The following ITPA variants were observed in gnomAD, a reference collection of about 807,000 sequenced individuals.
ITPA encodes inosine triphosphate pyrophosphatase.
Under a neutral mutation model 29.6 loss-of-function variants are expected in ITPA, and 29 were observed. The ratio of observed to expected loss-of-function variants is 0.98; its 90% CI spans 0.73 to 1.34. The LOEUF is 1.34. Ranked by LOEUF, ITPA falls within the 40% of genes most tolerant of loss-of-function variation. ITPA has a pLI of 0.00. For missense variants in ITPA, 241 were observed against 251.5 expected (o/e 0.96, Z 0.28); for synonymous variants, 103 against 99.3 (o/e 1.04, Z -0.22).
At chr20:3,204,087 G>A (rs898261592), upstream of ITPA, among the ~76,000 whole-genome samples, 4 of 152,156 alleles carry the variant, frequency 2.6e-5, no homozygotes, top group African/African-American at 9.6e-5. Context: ...GAATTTCCTG[G>A]AGCCGCCTCG....
chr20:3,218,839 G>A (rs2067384124), intron 6 of ITPA: 2 of 630,834 alleles, frequency 3.2e-6, no homozygotes, highest in Admixed American at 2.2e-5. Context: ...CCTGGGGCCA[G>A]AGTAGTTGCC....
chr20:3,225,725 A>C (rs2067547347), downstream of ITPA, among the ~76,000 whole-genome samples: 1 of 152,128 alleles, frequency 6.6e-6, no homozygotes, highest in Non-Finnish European at 1.5e-5. Context: ...AACCCTTAAA[A>C]AATAAAAAAA....
chr20:3,220,413 G>A (rs1196307791), intron 6 of ITPA, among the ~76,000 whole-genome samples: 1 of 151,854 alleles, frequency 6.6e-6, no homozygotes, highest in East Asian at 1.9e-4. Context: ...CATTTGTTGC[G>A]TGGTTGAGGT....
intron 5 of ITPA, among the ~76,000 whole-genome samples, chr20:3,216,202 C>T (rs902437147): frequency 1.3e-5 from 2 of 149,206 alleles, no homozygotes; most frequent in African/African-American, 5.1e-5. Context: ...CTCTGTCGCC[C>T]AGGCTGGAGT....
chr20:3,218,503 C>G lies in ITPA; in HGVS notation c.296-14C>G. On this transcript the variant is annotated splice_polypyrimidine_tract_variant and intron_variant, in intron 5 of 7. Transcript: ENST00000380113. ...CCATTAGGGATGCACTGAGCCCTCA[C>G]TGCCCACCCGCAGGTCTCCACCAGC... 1 of 1,591,238 alleles carries G rather than the reference C, an allele frequency of 6.3e-7. No individual in the cohort carries two copies. Among genetic ancestry groups the G allele is most frequent in the Non-Finnish European group, 8.6e-7 (1 of 1,159,294 alleles).
rs989104770 is a variant in ITPA, at chr20:3,212,323, T to A, written c.67-846T>A. Among the ~76,000 whole-genome samples the A allele has an allele frequency of 2.3e-5, 3 of 127,682 alleles. No individual in the cohort carries two copies. The East Asian group carries it at 7.8e-4, about 33-fold the overall frequency. 83.8% of individuals were successfully genotyped at this position (127,682 alleles called of 152,430 possible). On this transcript the variant is annotated intron_variant, in intron 1 of 7. Coordinates refer to ENST00000380113, the MANE Select transcript of ITPA (RefSeq NM_033453.4). ...ACCAATGTATGAGTAATTATCTTAA[T>A]TTTTTTTTTTTTTTGAGACGGAGTC... is the stretch of plus-strand genomic sequence containing the variant.
downstream of ITPA, chr20:3,227,357 G>A: frequency 4.0e-6 from 1 of 249,324 alleles, no homozygotes; most frequent in South Asian, 5.1e-5. Flanking sequence ...CTTCCCCAGG[G>A]AGGGCTTCCC....
At chr20:3,225,601 T>G (rs1340732416), downstream of ITPA, among the ~76,000 whole-genome samples, 1 of 152,200 alleles carries the variant, frequency 6.6e-6, no homozygotes, top group Admixed American at 6.5e-5. Flanking sequence ...CCTCGCCCCG[T>G]GCATCTCTTC....
At chr20:3,223,093 C>G (rs79252113) in intron 7 of ITPA, among the ~76,000 whole-genome samples, 4,039 of 152,314 alleles carry the variant, frequency 0.027, 159 homozygotes, top group African/African-American at 0.092. Context: ...GCTCATCCCC[C>G]CCTGTCCCCA....
chr20:3,213,400 T>C lies in ITPA; in HGVS notation c.189+17T>C. On this transcript the variant is annotated intron_variant, in intron 3 of 7. Coordinates refer to ENST00000380113, the MANE Select transcript of ITPA (RefSeq NM_033453.4). ...GTTCGCCAGGTGCTTGCCCTGCCCT[T>C]GTCCCACACTTGCTCTTCTTGTCCA... The C allele has an allele frequency of 6.2e-7, 1 of 1,613,508 alleles. No homozygotes were observed. The highest frequency in any genetic ancestry group is 8.5e-7 in the Non-Finnish European group (1 of 1,180,006).
downstream of ITPA, among the ~76,000 whole-genome samples, chr20:3,226,870 C>T (rs1426427388): frequency 1.3e-5 from 2 of 152,168 alleles, no homozygotes; most frequent in East Asian, 1.9e-4. This position sits in a 1 kb window ranked among gnomAD's most constrained non-coding sequence, Gnocchi z 4.4. Context: ...GACCCACCAA[C>T]AAATGAGCAA....
At chr20:3,225,086 C>T (rs1183287003), downstream of ITPA, among the ~76,000 whole-genome samples, 1 of 152,032 alleles carries the variant, frequency 6.6e-6, no homozygotes, top group Non-Finnish European at 1.5e-5. Flanking sequence ...TGCCTGTGGA[C>T]ACAGCTACTC....
rs1211676651 is a variant in ITPA at position 3,223,681 on chromosome 20, C to T, written c.*219C>T. 6 of 596,204 alleles carry T rather than the reference C, an allele frequency of 1.0e-5. No individual in the cohort carries two copies. Among genetic ancestry groups the T allele is most frequent in the African/African-American group, 9.2e-5 (5 of 54,114 alleles). The allele number at this position is 596,204 out of a possible 1,614,324, so 36.9% of individuals were successfully genotyped here. On this transcript the variant is annotated 3_prime_UTR_variant, in exon 8 of 8. Transcript: ENST00000380113. ...TCTCTTGCCCTTAGGATTCACTGCTCTCTCCTACAGCCGCCAGGCCTGGGG... is the reference window on the plus strand; with the variant it reads ...TCTCTTGCCCTTAGGATTCACTGCTTTCTCCTACAGCCGCCAGGCCTGGGG...
chr20:3,220,981 G>A (rs1376262502), intron 6 of ITPA, among the ~76,000 whole-genome samples: 1 of 151,922 alleles, frequency 6.6e-6, no homozygotes, highest in Non-Finnish European at 1.5e-5. Flanking sequence ...CTGCAGCCTC[G>A]ACCTCTTGGG....
chr20:3,219,272 T>C (rs577825717), intron 6 of ITPA, among the ~76,000 whole-genome samples: 4 of 143,404 alleles, frequency 2.8e-5, no homozygotes, highest in African/African-American at 1.0e-4. Flanking sequence ...AGTGGTGTCG[T>C]CTCGGCTCAC....
chr20:3,206,564 C>T (rs2122256532), upstream of ITPA, among the ~76,000 whole-genome samples: 2 of 152,040 alleles, frequency 1.3e-5, no homozygotes. Context: ...GGTGTGGTGG[C>T]TCATGCCCAT....
upstream of ITPA, chr20:3,209,360 G>A (rs989506620): frequency 3.0e-6 from 2 of 672,812 alleles, no homozygotes; most frequent in Non-Finnish European, 5.4e-6. The surrounding 1 kb of genome is among the most constrained non-coding windows in gnomAD (Gnocchi z 4.6). Context: ...GAGGCCCCCA[G>A]CAAATCGGAC....
intron 1 of ITPA, among the ~76,000 whole-genome samples, chr20:3,210,773 G>A (rs554568058): frequency 3.1e-4 from 47 of 152,194 alleles, no homozygotes; most frequent in Admixed American, 1.6e-3. Context: ...GCTGGAACCC[G>A]AGTGCAGTGC....
At position 3,209,627 on chromosome 20, in the gene ITPA, G is replaced by GGGT. The variant is rs746707417; in HGVS notation, c.66+12_66+14dup. The GGGT allele has an allele frequency of 1.4e-5, 22 of 1,613,400 alleles. No homozygotes were observed. The East Asian group carries it at 4.7e-4, about 34-fold the overall frequency. Reference sequence around the variant, plus strand: ...CAAGAAGCTGGAGGAGGTGCCGGGAGGGTGTTGGGGGCTAACTGGGAGGCG... The same window carrying GGGT: ...CAAGAAGCTGGAGGAGGTGCCGGGAGGGTGGTGTTGGGGGCTAACTGGGAGGCG... On this transcript the variant is annotated intron_variant, in intron 1 of 7. Coordinates refer to ENST00000380113, the MANE Select transcript of ITPA (RefSeq NM_033453.4). This position sits in a 1 kb window ranked among gnomAD's most constrained non-coding sequence, Gnocchi z 4.6.
Sources: gnomAD v4.1 joint callset for allele counts (sites outside exome capture counted in the v4.1 genomes callset) on GRCh38, gnomAD v4.1.1 for gene constraint, Gnocchi (gnomAD v3.1) non-coding constraint, MANE v1.5 for transcripts, NCBI Gene and HGNC (gene_info 2026-07-23, HGNC 2026-07-21) for gene names.